Variants in TTC3 observed in about 807,000 individuals in gnomAD.
TTC3 encodes the protein tetratricopeptide repeat domain 3.
TTC3 carries 180 observed loss-of-function variants against 249.6 expected under a neutral mutation model. The observed-to-expected ratio is 0.72, with a 90% CI of 0.64 to 0.82. The LOEUF is 0.82. TTC3 is among the 40% of genes least tolerant of loss of function. The probability of loss-of-function intolerance (pLI) is 0.00; values close to 1 mark genes in which losing one functional copy is unlikely to be tolerated. For missense variants in TTC3, 2,061 were observed against 2,398.4 expected (o/e 0.86, Z 2.94); for synonymous variants, 717 against 805.0 (o/e 0.89, Z 1.85).
At chr21:37,095,287 G>A in intron 8 of TTC3, 63 bp from the exon 9 acceptor site, 1 of 1,015,282 alleles carries the variant, frequency 9.8e-7, no homozygotes, top group Non-Finnish European at 1.5e-6. Context: ...TTTTTACTAG[G>A]TATTGGGTTC....
chr21:37,199,337 A>G (rs575822576), intron 44 of TTC3, among the ~76,000 whole-genome samples: 1 of 152,362 alleles, frequency 6.6e-6, no homozygotes, highest in South Asian at 2.1e-4. Flanking sequence ...TGTGCCTTCA[A>G]GGCGCTCAGA....
At chr21:37,175,263 CAAAAAAA>C (rs58424565) in intron 35 of TTC3, among the ~76,000 whole-genome samples, 16 of 54,036 alleles carry the variant, frequency 3.0e-4, no homozygotes, top group African/African-American at 1.0e-3. Flanking sequence ...GACTGTGTCT[CAAAAAAA>C]AAAAAAAAAA....
intron 5 of TTC3, 40 bp downstream of exon 5, chr21:37,088,926 A>G: frequency 1.3e-6 from 2 of 1,556,486 alleles, no homozygotes; most frequent in Non-Finnish European, 8.8e-7. Flanking sequence ...CCCTTGGTTT[A>G]AATAATATAA....
chr21:37,091,187 T>G, intron 6 of TTC3, 106 bp from the exon 7 acceptor site: 1 of 1,239,820 alleles, frequency 8.1e-7, no homozygotes, highest in Non-Finnish European at 1.1e-6. Flanking sequence ...TTGTACCAGT[T>G]TTGTAGTAAG....
chr21:37,110,611 G>T (rs1233640342), intron 11 of TTC3, among the ~76,000 whole-genome samples: 2 of 152,164 alleles, frequency 1.3e-5, no homozygotes, highest in African/African-American at 4.8e-5. Flanking sequence ...GGGGAGAATG[G>T]AACCAAGTTG....
intron 35 of TTC3, among the ~76,000 whole-genome samples, chr21:37,175,657 C>T (rs979248647): frequency 1.3e-5 from 2 of 150,084 alleles, no homozygotes; most frequent in African/African-American, 4.9e-5. Context: ...AAAATCTGAG[C>T]GAGGTATTAT....
At chr21:37,193,202 G>A (rs982214830) in intron 41 of TTC3, among the ~76,000 whole-genome samples, 3 of 146,414 alleles carry the variant, frequency 2.0e-5, no homozygotes, top group African/African-American at 7.7e-5. Flanking sequence ...CACTGTCCCC[G>A]CTCTGCATCC....
At chr21:37,108,446 G>A in exon 11 of TTC3, 1 of 1,612,198 alleles carries the variant, frequency 6.2e-7, no homozygotes, top group Non-Finnish European at 8.5e-7. Flanking sequence ...CTTGGCCAAA[G>A]GTAGGTTTCT....
At chr21:37,138,583 A>C in intron 18 of TTC3, 51 bp from the exon 19 acceptor site, 1 of 1,314,050 alleles carries the variant, frequency 7.6e-7, no homozygotes, top group Non-Finnish European at 1.1e-6. Context: ...ACTGGATGCA[A>C]ATTGGGCAGA....
At chr21:37,193,701 T>A (rs187048230) in intron 41 of TTC3, 13 of 152,352 alleles carry the variant, frequency 8.5e-5, no homozygotes, top group Admixed American at 8.5e-4. Flanking sequence ...ATCTCATTTC[T>A]CCCTCATTCA....
At chr21:37,136,284 T>G (rs1249098185) in intron 18 of TTC3, among the ~76,000 whole-genome samples, 2 of 152,194 alleles carry the variant, frequency 1.3e-5, no homozygotes, top group East Asian at 3.8e-4. Flanking sequence ...CTAGAATGAT[T>G]AAGCTTCGTG....
intron 35 of TTC3, among the ~76,000 whole-genome samples, chr21:37,173,968 C>T (rs1295008770): frequency 1.3e-5 from 2 of 152,176 alleles, no homozygotes; most frequent in East Asian, 1.9e-4. Flanking sequence ...CTTTATATTG[C>T]CTCAGGAAAC....
At chr21:37,090,809 A>C (rs3827191) in intron 6 of TTC3, among the ~76,000 whole-genome samples, 67,269 of 151,962 alleles carry the variant, frequency 0.44, 15,406 homozygotes, top group Non-Finnish European at 0.51. Flanking sequence ...TTGCCCAGCC[A>C]CATCTTCCTC....
At position 37,125,688 on chromosome 21, in the gene TTC3, T is replaced by G. The variant is rs549438721; in HGVS notation, c.1234-392T>G. The stretch of plus-strand genomic sequence containing the variant: ...TAGCTTCTTTTTTGGCTTACCCTTT[T>G]GTAGTTACACTCACATACCACATTG... On this transcript the variant is annotated intron_variant, in intron 14 of 45. Transcript: ENST00000355666. Among the ~76,000 whole-genome samples, 221 of 150,052 alleles carry G rather than the reference T, an allele frequency of 1.5e-3. 2 individuals carry two copies. Among genetic ancestry groups the G allele is most frequent in the African/African-American group, 5.0e-3 (204 of 40,962 alleles).
intron 11 of TTC3, among the ~76,000 whole-genome samples, chr21:37,109,843 G>T (rs1444155493): frequency 1.3e-5 from 2 of 152,180 alleles, no homozygotes; most frequent in Non-Finnish European, 2.9e-5. Context: ...CACACGGCCG[G>T]GTACTCCTCT....
At chr21:37,133,428 T>C (rs961018962) in intron 17 of TTC3, among the ~76,000 whole-genome samples, 3 of 152,226 alleles carry the variant, frequency 2.0e-5, no homozygotes, top group African/African-American at 7.2e-5. Context: ...TTTTTGAGAA[T>C]TTCTTAAAGT....
intron 11 of TTC3, among the ~76,000 whole-genome samples, chr21:37,115,383 G>T (rs2147838131): frequency 6.6e-6 from 1 of 152,152 alleles, no homozygotes; most frequent in African/African-American, 2.4e-5. Context: ...TGATAGTCTG[G>T]TGTTGGTGGG....
chr21:37,153,707 G>A (rs949634339), intron 27 of TTC3, among the ~76,000 whole-genome samples: 2 of 152,198 alleles, frequency 1.3e-5, no homozygotes, highest in South Asian at 4.1e-4. Flanking sequence ...TTGTAAATGT[G>A]TAGATGTGTG....
In TTC3 at chr21:37,201,431, C is replaced by T. The variant is rs759315311; in HGVS notation, c.5944-9C>T. On this transcript the variant is annotated splice_polypyrimidine_tract_variant and intron_variant, in intron 45 of 45. Transcript: ENST00000355666. ...AAGGCATCTTCTGATTTTGTTTTCT[C>T]CTTTTCAGTGCTTTAAGCAGTGGCT... 19 of 1,613,492 alleles carry T rather than the reference C, an allele frequency of 1.2e-5. No individual in the cohort carries two copies. In the East Asian group the frequency reaches 2.5e-4, roughly 21 times the overall value.
Sources: gnomAD v4.1 joint callset for allele counts (sites outside exome capture counted in the v4.1 genomes callset) on GRCh38, gnomAD v4.1.1 for gene constraint, MANE v1.5 for transcripts, NCBI Gene and HGNC (gene_info 2026-07-23, HGNC 2026-07-21) for gene names.